Variants in FTO observed in about 807,000 individuals in gnomAD.
The protein encoded by FTO is alpha-ketoglutarate-dependent dioxygenase FTO.
In FTO, 47 loss-of-function variants were observed where a neutral mutation model predicts 63.9. The ratio of observed to expected loss-of-function variants is 0.74; its 90% CI spans 0.58 to 0.94. The LOEUF (loss-of-function observed/expected upper bound fraction) is 0.94. Ranked by LOEUF, FTO falls within the 40% of genes least tolerant of loss-of-function variation. The pLI is 0.00. For synonymous variants in FTO, 207 were observed against 224.4 expected (o/e 0.92, Z 0.69); for missense variants, 562 against 618.1 (o/e 0.91, Z 0.96).
chr16:53,760,065 T>C (rs1044264395), intron 1 of FTO, among the ~76,000 whole-genome samples: 2 of 152,190 alleles, frequency 1.3e-5, no homozygotes, highest in African/African-American at 4.8e-5. Context: ...TTCAGCTTCA[T>C]GGTTGAAATG....
At chr16:53,983,700 C>T (rs1317691551) in intron 8 of FTO, among the ~76,000 whole-genome samples, 1 of 151,988 alleles carries the variant, frequency 6.6e-6, no homozygotes, top group Non-Finnish European at 1.5e-5. Context: ...TGGTGTAATA[C>T]ATTAGGGAGT....
At position 54,116,978 on chromosome 16, in the gene FTO, C is replaced by T. The variant is rs1356967295; in HGVS notation, c.*5063C>T. On this transcript the variant is annotated 3_prime_UTR_variant, in exon 9 of 9. Coordinates refer to ENST00000471389, the MANE Select transcript of FTO (RefSeq NM_001080432.3). ...TCCCACCTCTCAGAACCTTGTCAGC[C>T]AAGTTCTTCCTGCTCTCTGGCCCAA... The T allele has an allele frequency of 6.6e-6, 1 of 152,392 alleles. No homozygotes were observed. Among genetic ancestry groups the T allele is most frequent in the African/African-American group, 2.4e-5 (1 of 41,438 alleles). 9.4% of individuals were successfully genotyped at this position (152,392 alleles called of 1,614,324 possible). A position where few individuals can be genotyped will look rare whatever the true frequency, so the allele number is the denominator to read the frequency against.
chr16:53,765,386 G>A (rs2077175243), intron 1 of FTO, among the ~76,000 whole-genome samples: 2 of 150,828 alleles, frequency 1.3e-5, no homozygotes, highest in Admixed American at 1.3e-4. Context: ...GTGAAACCCG[G>A]TCTACTAAAA....
chr16:53,951,239 C>CCCCAACACAATGCTCACATTA (rs2082793457), intron 8 of FTO, among the ~76,000 whole-genome samples: 1 of 152,134 alleles, frequency 6.6e-6, no homozygotes, highest in African/African-American at 2.4e-5. Flanking sequence ...CCAAGCTACC[C>CCCCAACACAATGCTCACATTA]CCCAACACAA....
intron 1 of FTO, among the ~76,000 whole-genome samples, chr16:53,738,113 C>A (rs2076433141): frequency 6.6e-6 from 1 of 151,446 alleles, no homozygotes; most frequent in South Asian, 2.1e-4. Flanking sequence ...GCAACCTCCG[C>A]CTCCTGGGTT....
intron 1 of FTO, among the ~76,000 whole-genome samples, chr16:53,789,926 A>G (rs1171759113): frequency 1.4e-5 from 2 of 148,042 alleles, no homozygotes; most frequent in Admixed American, 6.8e-5. Context: ...ATATACATAT[A>G]CGTATATACA....
intron 1 of FTO, among the ~76,000 whole-genome samples, chr16:53,805,638 C>T (rs766322275): frequency 2.6e-4 from 39 of 151,934 alleles, no homozygotes; most frequent in African/African-American, 6.5e-4. Flanking sequence ...TTCGTAGAGA[C>T]GGGTTTTTAC....
intron 1 of FTO, among the ~76,000 whole-genome samples, chr16:53,746,914 A>G (rs1009114614): frequency 6.6e-6 from 1 of 152,100 alleles, no homozygotes; most frequent in South Asian, 2.1e-4. Flanking sequence ...CTTTGAGTTC[A>G]GTTGTTTTTG....
At chr16:53,806,346 A>G (rs1051524033) in intron 1 of FTO, among the ~76,000 whole-genome samples, 3 of 152,244 alleles carry the variant, frequency 2.0e-5, no homozygotes, top group Non-Finnish European at 4.4e-5. Flanking sequence ...TCAAAACAAT[A>G]TAAAATGGAA....
At chr16:53,893,473 G>A (rs1280987697) in intron 7 of FTO, among the ~76,000 whole-genome samples, 2 of 152,140 alleles carry the variant, frequency 1.3e-5, no homozygotes, top group Non-Finnish European at 2.9e-5. Flanking sequence ...AGGTGGGCAA[G>A]TCTTGCTGTA....
At chr16:53,948,534 C>T (rs1298125957) in intron 8 of FTO, among the ~76,000 whole-genome samples, 2 of 152,216 alleles carry the variant, frequency 1.3e-5, no homozygotes, top group East Asian at 3.9e-4. Flanking sequence ...GTCTTCTGGT[C>T]TCCTGGCCAG....
intron 1 of FTO, among the ~76,000 whole-genome samples, chr16:53,768,189 CT>C (rs1167777657): frequency 6.6e-6 from 1 of 152,154 alleles, no homozygotes; most frequent in Non-Finnish European, 1.5e-5. Flanking sequence ...TGTTTTATGT[CT>C]TTTCTAAAAT....
intron 8 of FTO, among the ~76,000 whole-genome samples, chr16:54,065,739 G>A (rs1340430295): frequency 1.3e-5 from 2 of 152,130 alleles, no homozygotes; most frequent in Non-Finnish European, 2.9e-5. Flanking sequence ...GACCTTTCTG[G>A]GAATGGAAAA....
intron 8 of FTO, among the ~76,000 whole-genome samples, chr16:53,988,751 A>G (rs1265022793): frequency 1.3e-5 from 2 of 150,500 alleles, no homozygotes; most frequent in Non-Finnish European, 2.9e-5. Flanking sequence ...TGGTAGAGCT[A>G]GGGGTTTAAC....
intron 8 of FTO, among the ~76,000 whole-genome samples, chr16:54,015,513 CAAATGCCCATGGCA>C: frequency 2.5e-5 from 1 of 39,846 alleles, no homozygotes; most frequent in African/African-American, 4.8e-4. Flanking sequence ...CTCCATGGCA[CAAATGCCCATGGCA>C]CAAATGCCCA....
At chr16:53,805,205 G>A (rs1192611013) in intron 1 of FTO, among the ~76,000 whole-genome samples, 1 of 152,176 alleles carries the variant, frequency 6.6e-6, no homozygotes, top group East Asian at 1.9e-4. Context: ...TGACACGGCT[G>A]AAGAGTCAGG....
intron 1 of FTO, among the ~76,000 whole-genome samples, chr16:53,751,254 AT>A (rs2076783604): frequency 6.6e-6 from 1 of 151,980 alleles, no homozygotes; most frequent in African/African-American, 2.4e-5. Context: ...TTAAAAAAAA[AT>A]TTACCATCCT....
chr16:54,041,619 G>C (rs1161913459), intron 8 of FTO, among the ~76,000 whole-genome samples: 1 of 152,082 alleles, frequency 6.6e-6, no homozygotes. Flanking sequence ...TATCCTTTCT[G>C]GCTGCCCTGC....
At chr16:53,719,632 GTTTT>G (rs751170395) in intron 1 of FTO, among the ~76,000 whole-genome samples, 1 of 100,022 alleles carries the variant, frequency 1.0e-5, no homozygotes. Flanking sequence ...CTGGTAGTCT[GTTTT>G]TTTTTTTTTT....
Sources: allele counts gnomAD v4.1 joint callset (sites outside exome capture counted in the v4.1 genomes callset), GRCh38; gene constraint gnomAD v4.1.1; transcripts MANE v1.5; gene names NCBI Gene and HGNC (gene_info 2026-07-23, HGNC 2026-07-21).